KLHL6: variants seen among roughly 807,000 people sequenced by gnomAD.
KLHL6 encodes the protein kelch like family member 6.
A neutral mutation model predicts 58.6 loss-of-function variants in KLHL6; 41 were observed. The observed-to-expected ratio is 0.70, with a 90% CI of 0.55 to 0.91. The LOEUF (loss-of-function observed/expected upper bound fraction) is 0.91. Ranked by LOEUF, KLHL6 falls within the 40% of genes least tolerant of loss-of-function variation. KLHL6 has a pLI of 0.00. For missense variants in KLHL6, 714 were observed against 805.6 expected, an observed-to-expected ratio of 0.89 and a Z score of 1.38; for synonymous variants, 338 against 322.7, an observed-to-expected ratio of 1.05 and a Z score of -0.51.
At chr3:183,512,821 A>T (rs547594314) in intron 2 of KLHL6, among the ~76,000 whole-genome samples, 145 of 151,424 alleles carry the variant, frequency 9.6e-4, no homozygotes, top group African/African-American at 2.5e-3. Context: ...TAAATAAATA[A>T]ATATATATAT....
chr3:183,551,449 G>T (rs946118158), intron 1 of KLHL6, among the ~76,000 whole-genome samples: 4 of 151,978 alleles, frequency 2.6e-5, no homozygotes, highest in African/African-American at 9.7e-5. Flanking sequence ...CAAAGCAAAT[G>T]AAAAAATGAG....
chr3:183,529,830 A>G (rs1448330604), intron 1 of KLHL6, among the ~76,000 whole-genome samples: 1 of 151,998 alleles, frequency 6.6e-6, no homozygotes, highest in Non-Finnish European at 1.5e-5. Flanking sequence ...CCGCAGTGTG[A>G]CTCTATTTGG....
chr3:183,529,900 G>A (rs572134096), intron 1 of KLHL6, among the ~76,000 whole-genome samples: 4 of 152,058 alleles, frequency 2.6e-5, no homozygotes, highest in South Asian at 4.2e-4. Context: ...GGTCCTAATC[G>A]GATAGGATTG....
chr3:183,502,501 TCA>T (rs1717894687), intron 3 of KLHL6, among the ~76,000 whole-genome samples: 1 of 152,138 alleles, frequency 6.6e-6, no homozygotes, highest in African/African-American at 2.4e-5. Context: ...TGATGATACA[TCA>T]CTTCTGAAAT....
At chr3:183,548,137 C>A (rs1712788750) in intron 1 of KLHL6, among the ~76,000 whole-genome samples, 1 of 152,148 alleles carries the variant, frequency 6.6e-6, no homozygotes, top group Non-Finnish European at 1.5e-5. Flanking sequence ...GACAAGGAAG[C>A]AGGGTCAGGG....
chr3:183,555,437 C>G lies in KLHL6; in HGVS notation c.217G>C (p.Asp73His), dbSNP rs1227021029. ...ETLRMENALTDVILCVDIQEF... is the reference protein window; with the variant it reads ...ETLRMENALTHVILCVDIQEF... ...TGAATGTCCACACACAAGATGACATCTGTCAGAGCGTTTTCCATTCGCAGG... is the reference window on the plus strand; with the variant it reads ...TGAATGTCCACACACAAGATGACATGTGTCAGAGCGTTTTCCATTCGCAGG... The change falls in exon 1 of 7, where the codon GAT becomes CAT. Residue 73 changes from aspartate (D) to histidine (H), a missense_variant. By Grantham distance (81) the Asp-to-His change is moderately conservative. Around this residue, in one of 2 missense-constraint regions of KLHL6, gnomAD observed 204 missense variants for 175.9 expected, o/e 1.16. Coordinates refer to ENST00000341319, the MANE Select transcript of KLHL6 (RefSeq NM_130446.4). The G allele has an allele frequency of 6.2e-7, 1 of 1,614,144 alleles. No individual in the cohort carries two copies. Among genetic ancestry groups the G allele is most frequent in the Non-Finnish European group, 8.5e-7 (1 of 1,179,990 alleles).
At chr3:183,541,674 A>C (rs916493559) in intron 1 of KLHL6, among the ~76,000 whole-genome samples, 1 of 152,136 alleles carries the variant, frequency 6.6e-6, no homozygotes, top group Non-Finnish European at 1.5e-5. Flanking sequence ...CCTCTAAAAA[A>C]CACAAAACAA....
intron 2 of KLHL6, among the ~76,000 whole-genome samples, chr3:183,509,615 G>A (rs976146702): frequency 6.6e-6 from 1 of 152,140 alleles, no homozygotes; most frequent in Admixed American, 6.5e-5. Context: ...CATTCCAGGG[G>A]CCAGGAAGAT....
In KLHL6 at chr3:183,489,280, C is replaced by G. The variant is rs368489266; in HGVS notation, c.*2647G>C. 7.2e-5 allele frequency: 11 copies of G among 152,174 alleles called. No individual in the cohort carries two copies. The highest frequency in any genetic ancestry group is 2.7e-4 in the African/African-American group (11 of 41,424). 9.4% of individuals were successfully genotyped at this position (152,174 alleles called of 1,614,324 possible). A position where few individuals can be genotyped will look rare whatever the true frequency, so the allele number is the denominator to read the frequency against. The stretch of plus-strand genomic sequence containing the variant: ...TTTGGAGTAAGACTGACTTTTCCTT[C>G]ACAAATCAGTTCACAAATGGTTCTG... On this transcript the variant is annotated 3_prime_UTR_variant, in exon 7 of 7. Coordinates refer to ENST00000341319, the MANE Select transcript of KLHL6 (RefSeq NM_130446.4).
At chr3:183,552,962 G>A (rs1712988473) in intron 1 of KLHL6, among the ~76,000 whole-genome samples, 1 of 152,118 alleles carries the variant, frequency 6.6e-6, no homozygotes, top group Non-Finnish European at 1.5e-5. Context: ...TCAGGTTGTT[G>A]TGAGGGTGGA....
At chr3:183,546,536 T>A (rs2108697191) in intron 1 of KLHL6, among the ~76,000 whole-genome samples, 1 of 152,302 alleles carries the variant, frequency 6.6e-6, no homozygotes, top group African/African-American at 2.4e-5. Flanking sequence ...CGGGCTGCGG[T>A]CCTGGCCCCT....
Position 183,525,818 on chromosome 3 carries a change from G to A in KLHL6, c.459+2027C>T, listed in dbSNP as rs35359776. ...ATAGAATGTGAAGTAAAACTAGTAA[G>A]ATGCGAAACAGGATGTATAGTGTGC... On this transcript the variant is annotated intron_variant, in intron 2 of 6. Transcript: ENST00000341319. Among the ~76,000 whole-genome samples the A allele has an allele frequency of 5.6e-3, 846 of 152,314 alleles. 5 individuals are homozygous for A. The highest frequency in any genetic ancestry group is 0.019 in the African/African-American group (792 of 41,566).
rs957372284 is a variant in KLHL6 at position 183,555,631 on chromosome 3, C to T, written c.23G>A (p.Gly8Asp). ...GACCACATCACCCATGGTCCAGGCG[C>T]CCCTTTGTCCTGCCATCAACATCGA... MLMAGQR[G>D]AWTMGDVVEK... Residue 8 changes from glycine to aspartate, a missense_variant, in exon 1 of 7, where the codon GGC (glycine) becomes GAC (aspartate). Physicochemically the swap from Gly to Asp is moderately conservative, Grantham distance 94 (BLOSUM62 -1). Coordinates refer to ENST00000341319, the MANE Select transcript of KLHL6 (RefSeq NM_130446.4). The T allele has an allele frequency of 6.9e-6, 11 of 1,601,100 alleles. No individual in the cohort carries two copies. The highest frequency in any genetic ancestry group is 9.4e-6 in the Non-Finnish European group (11 of 1,174,454).
At chr3:183,533,290 C>T (rs1379071767) in intron 1 of KLHL6, among the ~76,000 whole-genome samples, 4 of 151,342 alleles carry the variant, frequency 2.6e-5, no homozygotes, top group African/African-American at 9.7e-5. Flanking sequence ...TCCTTCCTTC[C>T]CTCTTTCTTT....
intron 3 of KLHL6, among the ~76,000 whole-genome samples, chr3:183,505,527 T>A (rs752780665): frequency 6.6e-6 from 1 of 150,720 alleles, no homozygotes; most frequent in Non-Finnish European, 1.5e-5. Context: ...AGAAAGAAAA[T>A]AATGATCAGA....
intron 3 of KLHL6, among the ~76,000 whole-genome samples, chr3:183,506,244 G>A (rs1184708484): frequency 3.3e-5 from 5 of 152,118 alleles, no homozygotes; most frequent in Admixed American, 1.3e-4. Context: ...ATAAAGTTCT[G>A]AAGAAAAATC....
At position 183,499,549 on chromosome 3, in the gene KLHL6, G is replaced by A; in HGVS notation, c.1147+41C>T. 1.5e-6 allele frequency: 2 copies of A among 1,363,444 alleles called. No individual in the cohort carries two copies. The highest frequency in any genetic ancestry group is 2.0e-6 in the Non-Finnish European group (2 of 981,654). 84.5% of individuals were successfully genotyped at this position (1,363,444 alleles called of 1,614,324 possible). ...GCTGCCACTCAGGAATATATGTAGT[G>A]CTACTGGAGCTTGCTTTGCCTTTAC... On this transcript the variant is annotated intron_variant, in intron 4 of 6. Coordinates refer to ENST00000341319, the MANE Select transcript of KLHL6 (RefSeq NM_130446.4). This position sits in a 1 kb window ranked among gnomAD's most constrained non-coding sequence, Gnocchi z 4.6.
Position 183,491,964 on chromosome 3 carries a change from T to A in KLHL6, c.1829A>T (p.His610Leu). The change falls in exon 7 of 7, where the codon CAC becomes CTC. Residue 610 changes from histidine to leucine, a missense_variant. Physicochemically the swap from His to Leu is moderately conservative, Grantham distance 99. Transcript: ENST00000341319. ...TGCTCCGGGCACGATCCTGCGGATGTGGGTGTACGACTTCCTGATGGTGAC... is the reference window on the plus strand; with the variant it reads ...TGCTCCGGGCACGATCCTGCGGATGAGGGTGTACGACTTCCTGATGGTGAC... ...GSVTIRKSYT[H>L]IRRIVPGAVS... 6.5e-7 allele frequency: 1 copy of A among 1,547,002 alleles called. No individual in the cohort carries two copies. The highest frequency in any genetic ancestry group is 8.7e-7 in the Non-Finnish European group (1 of 1,144,440).
rs1175522289 is a variant in KLHL6 at position 183,492,216 on chromosome 3, C to G, written c.1577G>C (p.Arg526Thr). ...CAGCGGGCTGTAGGCGTACAGCGCT[C>G]TCATGGCCCCACCTGAGGAGAGGGA... ...DRIYVVGGAM[R>T]ALYAYSPLED... Residue 526 changes from arginine to threonine, a missense_variant, in exon 7 of 7, where the codon AGA becomes ACA. Arg to Thr is a moderately conservative substitution (Grantham distance 71). This residue lies in a region of KLHL6 where 510 missense variants were observed against 629.7 expected (regional missense o/e 0.81). Coordinates refer to ENST00000341319, the MANE Select transcript of KLHL6 (RefSeq NM_130446.4). This position sits in a 1 kb window ranked among gnomAD's most constrained non-coding sequence, Gnocchi z 5.9. The G allele has an allele frequency of 6.2e-7, 1 of 1,601,344 alleles. No individual in the cohort carries two copies. The highest frequency in any genetic ancestry group is 8.5e-7 in the Non-Finnish European group (1 of 1,171,948).
Sources: gnomAD v4.1 joint callset for allele counts (sites outside exome capture counted in the v4.1 genomes callset) on GRCh38, gnomAD v4.1.1 for gene constraint, gnomAD v4.1.1 regional missense constraint, Gnocchi (gnomAD v3.1) non-coding constraint, MANE v1.5 for transcripts, NCBI Gene and HGNC (gene_info 2026-07-23, HGNC 2026-07-21) for gene names.